Variants in RAPGEF2 observed in about 807,000 individuals in gnomAD.
RAPGEF2 encodes the protein Rap guanine nucleotide exchange factor 2.
RAPGEF2 carries 54 observed loss-of-function variants against 186.7 expected under a neutral mutation model. That is an observed-to-expected ratio of 0.29 (90% CI 0.23 to 0.36). The LOEUF (loss-of-function observed/expected upper bound fraction) is 0.36. Ranked by LOEUF, RAPGEF2 falls within the 10% of genes least tolerant of loss-of-function variation. The probability of loss-of-function intolerance (pLI) is 1.00; values close to 1 mark genes in which losing one functional copy is unlikely to be tolerated. For synonymous variants in RAPGEF2, 712 were observed against 705.9 expected, an observed-to-expected ratio of 1.01 and a Z score of -0.14; for missense variants, 1,532 against 2,045.0, an observed-to-expected ratio of 0.75 and a Z score of 4.84.
chr4:159,243,741 CCTT>C (rs1561135258), intron 6 of RAPGEF2, 30 bp from the exon 7 acceptor site: 3 of 1,259,296 alleles, frequency 2.4e-6, no homozygotes. Flanking sequence ...TTCCTTTCCT[CCTT>C]TATGGCACTC....
chr4:159,254,766 G>A lies in RAPGEF2; in HGVS notation c.543+10975G>A, dbSNP rs545407243. On this transcript the variant is annotated intron_variant, in intron 7 of 29. Coordinates refer to ENST00000691494, the MANE Select transcript of RAPGEF2 (RefSeq NM_001394067.2). The stretch of plus-strand genomic sequence containing the variant: ...TGGAACTACAGGCGTGTGCCACCAC[G>A]CCTGGCTAATTTTTAGTAGAAACAG... 3.3e-5 allele frequency among the ~76,000 whole-genome samples: 5 copies of A among 152,102 alleles called. No individual in the cohort carries two copies. The East Asian group carries it at 5.8e-4, about 18-fold the overall frequency.
intron 3 of RAPGEF2, among the ~76,000 whole-genome samples, chr4:159,208,217 C>T (rs1178675919): frequency 1.3e-5 from 2 of 152,118 alleles, no homozygotes; most frequent in African/African-American, 4.8e-5. Context: ...TAGTGATTGA[C>T]ATTATTAAGT....
rs114107653 is a variant in RAPGEF2, at chr4:159,240,023, A to G, written c.357+1139A>G. 3.4e-3 allele frequency among the ~76,000 whole-genome samples: 520 copies of G among 152,310 alleles called. 4 individuals carry two copies. Among genetic ancestry groups the G allele is most frequent in the African/African-American group, 0.012 (501 of 41,580 alleles). ...GTTTTACAAAACGTACTCAAGTGAGAAAGTAGCATAGTAATGGTAAGGATT... is the reference window on the plus strand; with the variant it reads ...GTTTTACAAAACGTACTCAAGTGAGGAAGTAGCATAGTAATGGTAAGGATT... On this transcript the variant is annotated intron_variant, in intron 5 of 29. Coordinates refer to ENST00000691494, the MANE Select transcript of RAPGEF2 (RefSeq NM_001394067.2).
At chr4:159,224,350 A>G (rs1334451105) in intron 4 of RAPGEF2, among the ~76,000 whole-genome samples, 1 of 152,246 alleles carries the variant, frequency 6.6e-6, no homozygotes, top group Non-Finnish European at 1.5e-5. Context: ...GAGCTGCTTG[A>G]TTACCACTCA....
At chr4:159,145,627 C>T (rs993905570) in intron 1 of RAPGEF2, among the ~76,000 whole-genome samples, 2 of 152,186 alleles carry the variant, frequency 1.3e-5, no homozygotes, top group African/African-American at 4.8e-5. Context: ...GACGTATGTT[C>T]ACCAGGACCA....
intron 1 of RAPGEF2, among the ~76,000 whole-genome samples, chr4:159,122,097 AAAGT>A (rs1434626915): frequency 6.6e-6 from 1 of 151,836 alleles, no homozygotes; most frequent in Non-Finnish European, 1.5e-5. Context: ...ATATTATGAA[AAAGT>A]AGGTATGTCA....
At chr4:159,244,459 A>G (rs1754372468) in intron 7 of RAPGEF2, among the ~76,000 whole-genome samples, 1 of 151,990 alleles carries the variant, frequency 6.6e-6, no homozygotes, top group Non-Finnish European at 1.5e-5. Context: ...ACTAAGTACT[A>G]AAGTACATTA....
intron 5 of RAPGEF2, among the ~76,000 whole-genome samples, chr4:159,240,438 A>G (rs896061351): frequency 5.4e-5 from 8 of 148,012 alleles, no homozygotes; most frequent in Admixed American, 1.4e-4. Context: ...GGTTCAAGCA[A>G]TTCTCCTGCC....
chr4:159,142,013 C>T (rs1010321547), intron 1 of RAPGEF2, among the ~76,000 whole-genome samples: 1 of 152,140 alleles, frequency 6.6e-6, no homozygotes, highest in African/African-American at 2.4e-5. Flanking sequence ...AGCAAATTCC[C>T]CTGTACCTTC....
intron 4 of RAPGEF2, among the ~76,000 whole-genome samples, chr4:159,222,301 T>C (rs1175253426): frequency 6.6e-6 from 1 of 152,192 alleles, no homozygotes; most frequent in Non-Finnish European, 1.5e-5. Context: ...GGATTGGTAG[T>C]GTCTTAACAC....
At chr4:159,217,762 A>G (rs1751123292) in intron 4 of RAPGEF2, among the ~76,000 whole-genome samples, 1 of 152,222 alleles carries the variant, frequency 6.6e-6, no homozygotes, top group African/African-American at 2.4e-5. Context: ...GAACTAATTT[A>G]CATTCCCACC....
At chr4:159,279,298 A>T (rs1425912286) in intron 7 of RAPGEF2, among the ~76,000 whole-genome samples, 1 of 152,230 alleles carries the variant, frequency 6.6e-6, no homozygotes, top group East Asian at 1.9e-4. Context: ...GTACGTGCAG[A>T]TGCATGCGCA....
chr4:159,158,612 A>G (rs1744369791), intron 1 of RAPGEF2, among the ~76,000 whole-genome samples: 1 of 152,202 alleles, frequency 6.6e-6, no homozygotes, highest in Admixed American at 6.5e-5. Flanking sequence ...GTAGGTAATT[A>G]CCAGTAGCAA....
chr4:159,262,893 C>T (rs990622267), intron 7 of RAPGEF2, among the ~76,000 whole-genome samples: 1 of 151,892 alleles, frequency 6.6e-6, no homozygotes, highest in South Asian at 2.1e-4. Context: ...TTTGAACTCC[C>T]AGTTAGGTTT....
chr4:159,128,849 T>TAC (rs1440239535), intron 1 of RAPGEF2: 3 of 145,590 alleles, frequency 2.1e-5, no homozygotes, highest in Non-Finnish European at 4.6e-5. Context: ...GTAACAGACA[T>TAC]ACATACATAC....
intron 1 of RAPGEF2, among the ~76,000 whole-genome samples, chr4:159,161,723 T>TA (rs751808953): frequency 6.6e-6 from 1 of 151,834 alleles, no homozygotes; most frequent in Middle Eastern, 3.2e-3. Context: ...AAAATAAAAA[T>TA]AAAAAAAATT....
intron 9 of RAPGEF2, among the ~76,000 whole-genome samples, chr4:159,319,146 G>T (rs1001003793): frequency 1.3e-5 from 2 of 151,990 alleles, no homozygotes; most frequent in Non-Finnish European, 2.9e-5. Flanking sequence ...AGAGTTTTGA[G>T]CCCCCTGTAG....
chr4:159,299,466 T>C (rs1432569604), intron 7 of RAPGEF2, among the ~76,000 whole-genome samples: 1 of 150,668 alleles, frequency 6.6e-6, no homozygotes, highest in Non-Finnish European at 1.5e-5. Flanking sequence ...TAAGCCTCTG[T>C]TGATAATAAA....
Position 159,266,365 on chromosome 4 carries a change from T to C in RAPGEF2, c.543+22574T>C, listed in dbSNP as rs116516235. 8.2e-3 allele frequency among the ~76,000 whole-genome samples: 1,244 copies of C among 152,290 alleles called. 14 individuals carry two copies. The highest frequency in any genetic ancestry group is 0.028 in the African/African-American group (1,174 of 41,562). On this transcript the variant is annotated intron_variant, in intron 7 of 29. Coordinates refer to ENST00000691494, the MANE Select transcript of RAPGEF2 (RefSeq NM_001394067.2). Reference sequence around the variant, plus strand: ...GTCAATTATTAAAAATGCTACATTTTCTGTGTCTATTTTCTATTACATGTG... The same window carrying C: ...GTCAATTATTAAAAATGCTACATTTCCTGTGTCTATTTTCTATTACATGTG...
Sources: allele counts gnomAD v4.1 joint callset (sites outside exome capture counted in the v4.1 genomes callset), GRCh38; gene constraint gnomAD v4.1.1; transcripts MANE v1.5; gene names NCBI Gene and HGNC (gene_info 2026-07-23, HGNC 2026-07-21).